LURAP1L: variants seen among roughly 807,000 people sequenced by gnomAD.
The protein encoded by LURAP1L is leucine rich adaptor protein 1 like.
A neutral mutation model predicts 13.8 loss-of-function variants in LURAP1L; 12 were observed. That is an observed-to-expected ratio of 0.87 (90% CI 0.56 to 1.41). The LOEUF (loss-of-function observed/expected upper bound fraction) is 1.41, where lower values mean the gene tolerates loss of function less well. Ranked by LOEUF, LURAP1L falls within the 40% of genes most tolerant of loss-of-function variation. The pLI is 0.00. For synonymous variants in LURAP1L, 139 were observed against 119.2 expected, an observed-to-expected ratio of 1.17 and a Z score of -1.08; for missense variants, 375 against 292.9, an observed-to-expected ratio of 1.28 and a Z score of -2.04.
intron 1 of LURAP1L, among the ~76,000 whole-genome samples, chr9:12,806,382 C>CT (rs765510542): frequency 0.016 from 2,368 of 147,214 alleles, 32 homozygotes; most frequent in African/African-American, 0.039. Context: ...TTGAGATTAT[C>CT]TTTTTTTTTT....
intron 1 of LURAP1L, chr9:12,790,855 A>C (rs143662675): frequency 2.6e-5 from 4 of 152,274 alleles, no homozygotes; most frequent in African/African-American, 9.6e-5. Flanking sequence ...ATTAGAAGAA[A>C]GAACTTACAA....
intron 1 of LURAP1L, among the ~76,000 whole-genome samples, chr9:12,801,433 A>G (rs1030478503): frequency 5.9e-5 from 9 of 152,042 alleles, no homozygotes; most frequent in African/African-American, 2.2e-4. Flanking sequence ...GCTCCAGGCT[A>G]TGTATATATG....
rs1819156477 is a variant in LURAP1L, at chr9:12,775,517, A to C, written c.-199A>C. The C allele has an allele frequency of 1.4e-6, 1 of 703,634 alleles. No individual in the cohort carries two copies. Among genetic ancestry groups the C allele is most frequent in the Non-Finnish European group, 2.1e-6 (1 of 465,146 alleles). 43.6% of individuals were successfully genotyped at this position (703,634 alleles called of 1,614,324 possible). A position where few individuals can be genotyped will look rare whatever the true frequency, so the allele number is the denominator to read the frequency against. ...GGAGTCGCAGCGGACTGGGAACTGC[A>C]GCTGCGACCCCCCGCGTCCTGTGCG... On this transcript the variant is annotated 5_prime_UTR_variant, in exon 1 of 2. Transcript: ENST00000319264.
chr9:12,808,122 GA>G (rs1741043324), intron 1 of LURAP1L, among the ~76,000 whole-genome samples: 1 of 151,688 alleles, frequency 6.6e-6, no homozygotes, highest in Non-Finnish European at 1.5e-5. Flanking sequence ...TAAATAATAA[GA>G]AAAATTTAAT....
intron 1 of LURAP1L, among the ~76,000 whole-genome samples, chr9:12,820,510 C>A (rs1184102000): frequency 2.3e-4 from 20 of 87,794 alleles, no homozygotes; most frequent in African/African-American, 5.4e-4. Context: ...CCCCCCCCCC[C>A]CCCCAAAAAA....
chr9:12,778,796 T>C (rs1819227177), intron 1 of LURAP1L, among the ~76,000 whole-genome samples: 1 of 152,232 alleles, frequency 6.6e-6, no homozygotes, highest in South Asian at 2.1e-4. Flanking sequence ...TGAAGTAGCA[T>C]GTATGAAAGA....
At chr9:12,789,656 G>T (rs549462047) in intron 1 of LURAP1L, among the ~76,000 whole-genome samples, 8 of 152,228 alleles carry the variant, frequency 5.3e-5, no homozygotes, top group African/African-American at 1.4e-4. Context: ...TCTATCATAG[G>T]AAGGCAAGGG....
At chr9:12,789,302 C>A (rs535196027) in intron 1 of LURAP1L, among the ~76,000 whole-genome samples, 90 of 152,200 alleles carry the variant, frequency 5.9e-4, no homozygotes, top group African/African-American at 2.1e-3. Flanking sequence ...ACTTACTAAG[C>A]ATTAGTGTTT....
In LURAP1L at chr9:12,775,562, C is replaced by T. The variant is rs2118438893; in HGVS notation, c.-154C>T. The T allele has an allele frequency of 7.8e-7, 1 of 1,280,710 alleles. No individual in the cohort carries two copies. The highest frequency in any genetic ancestry group is 1.0e-6 in the Non-Finnish European group (1 of 970,084). 79.3% of individuals were successfully genotyped at this position (1,280,710 alleles called of 1,614,324 possible). A position where few individuals can be genotyped will look rare whatever the true frequency, so the allele number is the denominator to read the frequency against. ...TGTGCGGATTTCAGGGCTGATACCG[C>T]ATAGGCGGTTATGGAAAGGACGGTA... On this transcript the variant is annotated 5_prime_UTR_variant, in exon 1 of 2. Transcript: ENST00000319264.
At chr9:12,794,816 T>C (rs751396319) in intron 1 of LURAP1L, among the ~76,000 whole-genome samples, 1 of 151,754 alleles carries the variant, frequency 6.6e-6, no homozygotes, top group Admixed American at 6.6e-5. Context: ...GTGAGAGGCA[T>C]CAAGTGACTA....
At chr9:12,809,566 T>C (rs562650593) in intron 1 of LURAP1L, among the ~76,000 whole-genome samples, 10 of 152,338 alleles carry the variant, frequency 6.6e-5, no homozygotes, top group African/African-American at 2.4e-5. Flanking sequence ...GTATTAATCA[T>C]AGTTGTTTTA....
chr9:12,798,816 A>G (rs1819545536), intron 1 of LURAP1L, among the ~76,000 whole-genome samples: 1 of 152,126 alleles, frequency 6.6e-6, no homozygotes, highest in Non-Finnish European at 1.5e-5. Flanking sequence ...CTATGGTTGT[A>G]TTTCTGTATC....
At chr9:12,817,166 C>T (rs1397298482) in intron 1 of LURAP1L, among the ~76,000 whole-genome samples, 1 of 152,160 alleles carries the variant, frequency 6.6e-6, no homozygotes, top group Non-Finnish European at 1.5e-5. Context: ...GAATAGAAGG[C>T]ATTATCTGCT....
At chr9:12,777,701 T>C (rs969874653) in intron 1 of LURAP1L, 22 of 433,984 alleles carry the variant, frequency 5.1e-5, no homozygotes, top group Non-Finnish European at 6.7e-5. Context: ...CAAAAACCGA[T>C]GAACCCCACC....
At chr9:12,776,404 A>C (rs1425446319) in intron 1 of LURAP1L, among the ~76,000 whole-genome samples, 1 of 152,104 alleles carries the variant, frequency 6.6e-6, no homozygotes, top group Non-Finnish European at 1.5e-5. Context: ...CGCTGTTAAC[A>C]CTTCGGGTAG....
In LURAP1L at chr9:12,822,253, A is replaced by G. The variant is rs117136832; in HGVS notation, c.*493A>G. On this transcript the variant is annotated 3_prime_UTR_variant, in exon 2 of 2. Transcript: ENST00000319264. ...GAACAAAATTAAGCATTATTTCTAG[A>G]CCACAACATTCTAGTGTATAATCAA... is the stretch of plus-strand genomic sequence containing the variant. The G allele has an allele frequency of 0.025, 3,899 of 156,488 alleles. 79 individuals carry two copies. Among genetic ancestry groups the G allele is most frequent in the Middle Eastern group, 0.041 (12 of 296 alleles). 9.7% of individuals were successfully genotyped at this position (156,488 alleles called of 1,614,324 possible).
At chr9:12,809,197 C>T (rs1819704178) in intron 1 of LURAP1L, among the ~76,000 whole-genome samples, 1 of 152,200 alleles carries the variant, frequency 6.6e-6, no homozygotes, top group South Asian at 2.1e-4. Context: ...CCTACCAGGC[C>T]CCACCTCTAG....
chr9:12,790,080 A>G (rs1267950470), intron 1 of LURAP1L, among the ~76,000 whole-genome samples: 3 of 152,208 alleles, frequency 2.0e-5, no homozygotes, highest in African/African-American at 7.2e-5. Flanking sequence ...ATGCATTGAC[A>G]AAAATCTTTC....
intron 1 of LURAP1L, among the ~76,000 whole-genome samples, chr9:12,783,708 C>T (rs1169050939): frequency 1.3e-5 from 2 of 151,862 alleles, no homozygotes; most frequent in South Asian, 2.1e-4. Context: ...CAGGGTAATA[C>T]TGGCCTAATA....
Sources: gnomAD v4.1 joint callset for allele counts (sites outside exome capture counted in the v4.1 genomes callset) on GRCh38, gnomAD v4.1.1 for gene constraint, MANE v1.5 for transcripts, NCBI Gene and HGNC (gene_info 2026-07-23, HGNC 2026-07-21) for gene names.